KCNN2: variants seen among roughly 807,000 people sequenced by gnomAD.
KCNN2 encodes small conductance calcium-activated potassium channel protein 2.
KCNN2 carries 24 observed loss-of-function variants against 55.5 expected under a neutral mutation model. The observed-to-expected ratio is 0.43, with a 90% CI of 0.31 to 0.61. The LOEUF (loss-of-function observed/expected upper bound fraction) is 0.61. Among genes scored for constraint, KCNN2 ranks in the 20% least tolerant of loss-of-function variants. The pLI is 0.08. For missense variants in KCNN2, 754 were observed against 853.6 expected (o/e 0.88, Z 1.45); for synonymous variants, 431 against 336.1 (o/e 1.28, Z -3.09).
At chr5:114,078,004 T>C (rs528479195) in intron 1 of KCNN2, among the ~76,000 whole-genome samples, 1 of 152,308 alleles carries the variant, frequency 6.6e-6, no homozygotes, top group African/African-American at 2.4e-5. Context: ...ATTATGTTAT[T>C]GGTTTAATAA....
rs1222481485 is a variant in KCNN2 at position 114,225,101 on chromosome 5, AT to A, written c.-185+3540del. 2.0e-4 allele frequency among the ~76,000 whole-genome samples: 31 copies of A among 152,356 alleles called. No individual in the cohort carries two copies. In the South Asian group the frequency reaches 5.0e-3, roughly 24 times the overall value. Reference sequence around the variant, plus strand: ...AAGGTTATTTGACTAAATACAAAGTATTTTAAAAGCTTTAATTGATATCAAA... The same window carrying A: ...AAGGTTATTTGACTAAATACAAAGTATTTAAAAGCTTTAATTGATATCAAA... On this transcript the variant is annotated intron_variant, in intron 2 of 10. Transcript: ENST00000512097.
rs74891766 is a variant in KCNN2 at position 114,262,632 on chromosome 5, A to G, written c.-185+41067A>G. ...AGTAACTACTTCATAGAGTAATTTT[A>G]AATTAAATTCTTCATGGCATGAGAA... On this transcript the variant is annotated intron_variant, in intron 2 of 10. Transcript: ENST00000512097. Among the ~76,000 whole-genome samples, 246 of 152,322 alleles carry G rather than the reference A, an allele frequency of 1.6e-3. 3 individuals carry two copies. The East Asian group carries it at 0.042, about 26-fold the overall frequency.
At chr5:114,462,720 G>A (rs1761264831) in intron 3 of KCNN2, among the ~76,000 whole-genome samples, 1 of 152,190 alleles carries the variant, frequency 6.6e-6, no homozygotes, top group Non-Finnish European at 1.5e-5. Context: ...CTTAAGTCTG[G>A]CACATCAGCT....
intron 1 of KCNN2, among the ~76,000 whole-genome samples, chr5:114,099,141 C>T (rs1298558219): frequency 2.0e-5 from 3 of 152,038 alleles, no homozygotes; most frequent in African/African-American, 7.2e-5. Flanking sequence ...TGACAAAAAA[C>T]GTACCCTGAA....
At chr5:114,338,326 TGTACAC>T (rs1386841704) in intron 2 of KCNN2, among the ~76,000 whole-genome samples, 1 of 152,198 alleles carries the variant, frequency 6.6e-6, no homozygotes, top group Non-Finnish European at 1.5e-5. Flanking sequence ...CTTCTAAATA[TGTACAC>T]GTATGTAGGG....
chr5:114,342,763 T>G (rs1202140975), intron 2 of KCNN2, among the ~76,000 whole-genome samples: 1 of 152,240 alleles, frequency 6.6e-6, no homozygotes, highest in Non-Finnish European at 1.5e-5. Flanking sequence ...AGGATCACCA[T>G]CAAAACACAT....
At chr5:114,475,708 C>T (rs530266995) in intron 5 of KCNN2, among the ~76,000 whole-genome samples, 18 of 152,108 alleles carry the variant, frequency 1.2e-4, no homozygotes, top group African/African-American at 2.6e-4. Context: ...GAAAAATGCA[C>T]GTGTGCTTGT....
intron 3 of KCNN2, among the ~76,000 whole-genome samples, chr5:114,437,751 C>G (rs1261060183): frequency 6.6e-6 from 1 of 152,108 alleles, no homozygotes; most frequent in African/African-American, 2.4e-5. Flanking sequence ...GATCTTCATT[C>G]TGGGAAGGTA....
chr5:114,312,456 T>C (rs1314209754), intron 2 of KCNN2, among the ~76,000 whole-genome samples: 7 of 80,624 alleles, frequency 8.7e-5, no homozygotes, highest in African/African-American at 2.4e-4. Flanking sequence ...TATATATATA[T>C]ATATATATAT....
intron 2 of KCNN2, among the ~76,000 whole-genome samples, chr5:114,385,723 G>A (rs1450247241): frequency 6.6e-6 from 1 of 151,960 alleles, no homozygotes; most frequent in Non-Finnish European, 1.5e-5. Context: ...AAAGGCTGAC[G>A]TAGTTGTCCT....
chr5:114,079,333 T>C (rs1750751153), intron 1 of KCNN2, among the ~76,000 whole-genome samples: 1 of 152,128 alleles, frequency 6.6e-6, no homozygotes. Context: ...AAATATAATA[T>C]AGCATTATAC....
intron 2 of KCNN2, among the ~76,000 whole-genome samples, chr5:114,397,644 A>T (rs1580788958): frequency 6.6e-6 from 1 of 151,970 alleles, no homozygotes; most frequent in Admixed American, 6.6e-5. Flanking sequence ...CGCCTCGGCC[A>T]CCCAAAGTGC....
At chr5:114,161,656 G>T (rs559798310) in intron 1 of KCNN2, among the ~76,000 whole-genome samples, 36 of 152,148 alleles carry the variant, frequency 2.4e-4, no homozygotes, top group African/African-American at 8.2e-4. Context: ...ACGTAGATTT[G>T]GTCTTTTCAC....
chr5:114,133,014 C>T (rs1752101408), intron 1 of KCNN2, among the ~76,000 whole-genome samples: 3 of 152,144 alleles, frequency 2.0e-5, no homozygotes, highest in Admixed American at 2.0e-4. Context: ...GATTCTTCTA[C>T]CCATATTCCC....
intron 3 of KCNN2, among the ~76,000 whole-genome samples, chr5:114,451,813 C>G (rs968337712): frequency 6.6e-6 from 1 of 151,084 alleles, no homozygotes; most frequent in Non-Finnish European, 1.5e-5. Flanking sequence ...AGCAGAATGG[C>G]GTGAACCCGG....
At chr5:114,127,510 TGCACACA>T (rs1224604823) in intron 1 of KCNN2, among the ~76,000 whole-genome samples, 1 of 152,184 alleles carries the variant, frequency 6.6e-6, no homozygotes, top group Non-Finnish European at 1.5e-5. Flanking sequence ...GTCGCTAGGC[TGCACACA>T]GCAGGGGAGC....
intron 2 of KCNN2, among the ~76,000 whole-genome samples, chr5:114,321,651 G>GTT (rs57707854): frequency 6.7e-6 from 1 of 148,870 alleles, no homozygotes; most frequent in African/African-American, 2.5e-5. Context: ...CACTGGATTT[G>GTT]TTTTTTTTTT....
At chr5:114,443,380 T>G (rs1480481596) in intron 3 of KCNN2, among the ~76,000 whole-genome samples, 2 of 152,178 alleles carry the variant, frequency 1.3e-5, no homozygotes, top group Non-Finnish European at 2.9e-5. Context: ...ATTTAAAATT[T>G]TTCTGCTTCA....
intron 2 of KCNN2, among the ~76,000 whole-genome samples, chr5:114,275,138 A>G (rs1354279835): frequency 6.6e-6 from 1 of 152,204 alleles, no homozygotes; most frequent in Non-Finnish European, 1.5e-5. Flanking sequence ...GATTACATTT[A>G]TTAATTTGCA....
Sources: gnomAD v4.1 joint callset for allele counts (sites outside exome capture counted in the v4.1 genomes callset) on GRCh38, gnomAD v4.1.1 for gene constraint, MANE v1.5 for transcripts, NCBI Gene and HGNC (gene_info 2026-07-23, HGNC 2026-07-21) for gene names.